KLF7: variants seen among roughly 807,000 people sequenced by gnomAD.
The protein encoded by KLF7 is KLF transcription factor 7.
Under a neutral mutation model 27.3 loss-of-function variants are expected in KLF7, and 2 were observed. The ratio of observed to expected loss-of-function variants is 0.07; its 90% CI spans 0.03 to 0.23. The LOEUF is 0.23. KLF7 is among the 10% of genes least tolerant of loss of function. The pLI, the probability that KLF7 is intolerant of heterozygous loss-of-function variation, is 1.00. For synonymous variants in KLF7, 165 were observed against 162.4 expected (o/e 1.02, Z -0.12); for missense variants, 221 against 394.1 (o/e 0.56, Z 3.72).
intron 2 of KLF7, among the ~76,000 whole-genome samples, chr2:207,113,814 A>T (rs572195366): frequency 6.6e-6 from 1 of 152,306 alleles, no homozygotes; most frequent in South Asian, 2.1e-4. Context: ...TCAATCATGC[A>T]CAGTATTACT....
At chr2:207,098,778 AT>A (rs1182598901) in intron 2 of KLF7, among the ~76,000 whole-genome samples, 5,651 of 104,390 alleles carry the variant, frequency 0.054, 97 homozygotes, top group Middle Eastern at 0.12. Flanking sequence ...CACTTGGCTA[AT>A]TTTTTTTTTT....
intron 3 of KLF7, among the ~76,000 whole-genome samples, chr2:207,081,953 C>G (rs899732065): frequency 2.0e-5 from 3 of 151,614 alleles, no homozygotes; most frequent in Non-Finnish European, 4.4e-5. Context: ...ATCACGCCAT[C>G]CTCACCAACC....
At chr2:207,165,052 G>A (rs943080865) in intron 1 of KLF7, among the ~76,000 whole-genome samples, 22 of 122,990 alleles carry the variant, frequency 1.8e-4, no homozygotes, top group Non-Finnish European at 2.5e-4. Context: ...AGATGAACCT[G>A]ATTTCAGGTA....
intron 2 of KLF7, among the ~76,000 whole-genome samples, chr2:207,119,867 T>C (rs1362252099): frequency 6.6e-6 from 1 of 152,152 alleles, no homozygotes; most frequent in Non-Finnish European, 1.5e-5. Flanking sequence ...CACGCCCAGC[T>C]AATTTTTGTA....
rs73983191 is a variant in KLF7 at position 207,138,098 on chromosome 2, T to C, written c.103-13694A>G. On this transcript the variant is annotated intron_variant, in intron 1 of 3. Transcript: ENST00000309446. ...CACTTTCAGGCACACCAGACTCTCA[T>C]TGAGGAAGAGACATTAATTTGAATC... Among the ~76,000 whole-genome samples the C allele has an allele frequency of 2.2e-3, 339 of 152,306 alleles. 1 individual carries two copies. Among genetic ancestry groups the C allele is most frequent in the African/African-American group, 7.9e-3 (327 of 41,574 alleles).
chr2:207,168,839 A>G (rs1237574767), upstream of KLF7, among the ~76,000 whole-genome samples: 1 of 152,224 alleles, frequency 6.6e-6, no homozygotes, highest in East Asian at 1.9e-4. Context: ...TCACATTGCA[A>G]AACACATGCA....
chr2:207,088,514 C>T lies in KLF7; in HGVS notation c.801G>A (p.Thr267=), dbSNP rs181473470. 8 of 1,614,002 alleles carry T rather than the reference C, an allele frequency of 5.0e-6. No individual in the cohort carries two copies. Among genetic ancestry groups the T allele is most frequent in the Admixed American group, 1.7e-5 (1 of 60,006 alleles). The change falls in exon 3 of 4, where the codon ACG becomes ACA. Residue 267 remains threonine, a synonymous_variant. Transcript: ENST00000309446. ...CACCTGTGTGTTTCCTGTAGTGCCTCGTGAGCTCATCGCTTCGTGCAAAAC... is the reference window on the plus strand; with the variant it reads ...CACCTGTGTGTTTCCTGTAGTGCCTTGTGAGCTCATCGCTTCGTGCAAAAC... ...EWRFARSDEL[T]RHYRKHTGAK...
intron 1 of KLF7, among the ~76,000 whole-genome samples, chr2:207,149,546 G>A (rs1419735169): frequency 1.3e-5 from 2 of 152,198 alleles, no homozygotes; most frequent in Non-Finnish European, 2.9e-5. Context: ...GGAAGACATC[G>A]GGAGAGCCTC....
chr2:207,117,886 G>A (rs2077231774), intron 2 of KLF7, among the ~76,000 whole-genome samples: 1 of 152,090 alleles, frequency 6.6e-6, no homozygotes, highest in Non-Finnish European at 1.5e-5. Flanking sequence ...TTCATTTACT[G>A]CCCCATCACC....
intron 1 of KLF7, among the ~76,000 whole-genome samples, chr2:207,135,555 C>A (rs114283778): frequency 0.034 from 5,227 of 152,232 alleles, 134 homozygotes; most frequent in Middle Eastern, 0.1. Flanking sequence ...TGCAGCCTGC[C>A]TCAAGCATTT....
At chr2:207,104,315 G>A (rs1349203929) in intron 2 of KLF7, among the ~76,000 whole-genome samples, 2 of 152,124 alleles carry the variant, frequency 1.3e-5, no homozygotes, top group Non-Finnish European at 1.5e-5. Flanking sequence ...TCCTCGTGTA[G>A]ATACACATAT....
chr2:207,112,722 G>A (rs184222184), intron 2 of KLF7, among the ~76,000 whole-genome samples: 68 of 152,270 alleles, frequency 4.5e-4, no homozygotes, highest in Non-Finnish European at 7.5e-4. Context: ...CTTCCTTGTC[G>A]CACTTCCAGT....
At chr2:207,156,436 G>C (rs981735044) in intron 1 of KLF7, among the ~76,000 whole-genome samples, 4 of 152,182 alleles carry the variant, frequency 2.6e-5, no homozygotes, top group South Asian at 4.1e-4. Context: ...TAAGAAAATG[G>C]AGAGCTGCTA....
At chr2:207,096,787 C>A (rs1234334565) in intron 2 of KLF7, among the ~76,000 whole-genome samples, 2 of 152,196 alleles carry the variant, frequency 1.3e-5, no homozygotes, top group African/African-American at 2.4e-5. Flanking sequence ...ACGTTATACA[C>A]AGTAGATGCT....
intron 2 of KLF7, among the ~76,000 whole-genome samples, chr2:207,089,990 C>T (rs2076475341): frequency 6.6e-6 from 1 of 152,184 alleles, no homozygotes; most frequent in Non-Finnish European, 1.5e-5. Context: ...TTTCTTCTTT[C>T]CACCTTTCCC....
At chr2:207,096,429 T>C (rs1159629040) in intron 2 of KLF7, among the ~76,000 whole-genome samples, 1 of 152,312 alleles carries the variant, frequency 6.6e-6, no homozygotes, top group South Asian at 2.1e-4. Flanking sequence ...TCTCAGACCT[T>C]GCGTATCAGA....
At chr2:207,086,679 A>T (rs911467849) in intron 3 of KLF7, among the ~76,000 whole-genome samples, 2 of 152,250 alleles carry the variant, frequency 1.3e-5, no homozygotes, top group Non-Finnish European at 2.9e-5. Flanking sequence ...ATCCAAATAC[A>T]TCAACTGCTG....
At chr2:207,154,645 C>T (rs1466911124) in intron 1 of KLF7, among the ~76,000 whole-genome samples, 1 of 152,122 alleles carries the variant, frequency 6.6e-6, no homozygotes, top group African/African-American at 2.4e-5. Flanking sequence ...AGAGAAAGAG[C>T]ATTGTGCCTC....
chr2:207,128,465 G>T (rs997820604), intron 1 of KLF7, among the ~76,000 whole-genome samples: 30 of 152,264 alleles, frequency 2.0e-4, no homozygotes, highest in African/African-American at 6.5e-4. Context: ...ATTACCAATG[G>T]ATGCTAAAAC....
Sources: gnomAD v4.1 joint callset for allele counts (sites outside exome capture counted in the v4.1 genomes callset) on GRCh38, gnomAD v4.1.1 for gene constraint, MANE v1.5 for transcripts, NCBI Gene and HGNC (gene_info 2026-07-23, HGNC 2026-07-21) for gene names.